KIF26B: variants seen among roughly 807,000 people sequenced by gnomAD.
The protein encoded by KIF26B is kinesin-like protein KIF26B.
A neutral mutation model predicts 151.2 loss-of-function variants in KIF26B; 63 were observed. The observed-to-expected ratio is 0.42, with a 90% CI of 0.34 to 0.51. The LOEUF (loss-of-function observed/expected upper bound fraction) is 0.51. Ranked by LOEUF, KIF26B falls within the 20% of genes least tolerant of loss-of-function variation. The pLI, the probability that KIF26B is intolerant of heterozygous loss-of-function variation, is 0.07. For missense variants in KIF26B, 2,813 were observed against 2,913.6 expected (o/e 0.97, Z 0.79); for synonymous variants, 1,357 against 1,262.1 (o/e 1.08, Z -1.59).
At chr1:245,302,018 G>A (rs1015945106) in intron 2 of KIF26B, among the ~76,000 whole-genome samples, 3 of 152,172 alleles carry the variant, frequency 2.0e-5, no homozygotes, top group Admixed American at 6.5e-5. Flanking sequence ...TTTTCTGTCA[G>A]TGTTGGAATA....
chr1:245,322,594 A>G (rs1042186018), intron 2 of KIF26B, among the ~76,000 whole-genome samples: 2 of 152,166 alleles, frequency 1.3e-5, no homozygotes, highest in Admixed American at 6.5e-5. Context: ...CAGAAGAACA[A>G]ATGATGCATC....
At position 245,705,426 on chromosome 1, in the gene KIF26B, G is replaced by A. The variant is rs771366734; in HGVS notation, c.*2820G>A. 3 of 152,016 alleles carry A rather than the reference G, an allele frequency of 2.0e-5. No individual in the cohort carries two copies. The highest frequency in any genetic ancestry group is 1.5e-5 in the Non-Finnish European group (1 of 68,020). The allele number at this position is 152,016 out of a possible 1,614,324, so 9.4% of individuals were successfully genotyped here. ...TATTGATGATGAAGGAAGGAGTTCC[G>A]GCTGACCATTCTGAAGCAGTCCCAG... On this transcript the variant is annotated 3_prime_UTR_variant, in exon 15 of 15. Transcript: ENST00000407071.
intron 4 of KIF26B, among the ~76,000 whole-genome samples, chr1:245,486,455 C>A (rs1660282945): frequency 6.6e-6 from 1 of 151,988 alleles, no homozygotes. Context: ...CTATAGAGAG[C>A]TTTTAAATAT....
At chr1:245,588,451 G>A (rs949321676) in intron 5 of KIF26B, among the ~76,000 whole-genome samples, 7 of 152,076 alleles carry the variant, frequency 4.6e-5, no homozygotes, top group African/African-American at 1.4e-4. Context: ...GGGAGGTGGC[G>A]GAGCGTCTCA....
At chr1:245,331,513 G>A (rs1359166843) in intron 2 of KIF26B, among the ~76,000 whole-genome samples, 3 of 152,154 alleles carry the variant, frequency 2.0e-5, no homozygotes, top group Non-Finnish European at 4.4e-5. Flanking sequence ...CTGAAGTAAG[G>A]TGCTACCTGT....
At chr1:245,353,705 G>C in intron 2 of KIF26B, 1 of 152,412 alleles carries the variant, frequency 6.6e-6, no homozygotes, top group Non-Finnish European at 1.5e-5. Context: ...TGCTCCTCCC[G>C]CCCTCCCCAC....
intron 3 of KIF26B, among the ~76,000 whole-genome samples, chr1:245,387,354 G>A (rs1021342334): frequency 7.0e-6 from 1 of 142,016 alleles, no homozygotes; most frequent in Non-Finnish European, 1.5e-5. Flanking sequence ...TATTAGAGAT[G>A]CGGTTTTACC....
intron 4 of KIF26B, among the ~76,000 whole-genome samples, chr1:245,526,816 G>A (rs1029450204): frequency 2.2e-4 from 34 of 152,206 alleles, no homozygotes; most frequent in African/African-American, 7.7e-4. Context: ...GTGATTTCAT[G>A]TCCGTTTTTA....
chr1:245,305,691 C>T (rs1250271761), intron 2 of KIF26B, among the ~76,000 whole-genome samples: 2 of 152,142 alleles, frequency 1.3e-5, no homozygotes, highest in African/African-American at 4.8e-5. Flanking sequence ...GTAATCCCAG[C>T]ACTTTGGGAG....
chr1:245,525,842 T>A (rs777888080), intron 4 of KIF26B, among the ~76,000 whole-genome samples: 4 of 152,222 alleles, frequency 2.6e-5, no homozygotes, highest in Non-Finnish European at 4.4e-5. Context: ...GAATTAGTTA[T>A]AATTAACAAT....
At chr1:245,291,737 C>A (rs1288205768) in intron 2 of KIF26B, among the ~76,000 whole-genome samples, 1 of 152,154 alleles carries the variant, frequency 6.6e-6, no homozygotes, top group Non-Finnish European at 1.5e-5. Flanking sequence ...TTGTTGAGGA[C>A]CTGGCATTTA....
rs2044501245 is a variant in KIF26B at position 245,685,586 on chromosome 1, T to A, written c.2603T>A (p.Ile868Asn). ...CAGTCCTGCGACACCGTCATCTACA[T>A]CGGGCCCAACGGCACGGCCCTCTCT... is the stretch of plus-strand genomic sequence containing the variant. Reference protein sequence around the residue: ...SEQSCDTVIYIGPNGTALSDK... With the variant: ...SEQSCDTVIYNGPNGTALSDK... Residue 868 changes from isoleucine (I) to asparagine (N), a missense_variant, in exon 12 of 15, where the codon ATC (isoleucine) becomes AAC (asparagine). Transcript: ENST00000407071. 6.2e-7 allele frequency: 1 copy of A among 1,613,358 alleles called. No individual in the cohort carries two copies. The highest frequency in any genetic ancestry group is 1.3e-5 in the African/African-American group (1 of 74,776).
chr1:245,404,955 G>C (rs377398190), intron 3 of KIF26B, among the ~76,000 whole-genome samples: 2 of 152,172 alleles, frequency 1.3e-5, no homozygotes, highest in African/African-American at 4.8e-5. Context: ...TTGGAGAATA[G>C]TCAAAACATT....
rs1212157430 is a variant in KIF26B at position 245,243,471 on chromosome 1, C to CACACACAT, written c.465+86789_465+86790insCACACATA. On this transcript the variant is annotated intron_variant, in intron 2 of 14. Transcript: ENST00000407071. The stretch of plus-strand genomic sequence containing the variant: ...ATACACACACACACACACACACACA[C>CACACACAT]ATATATATATACACACATACATAAA... 1.5e-4 allele frequency among the ~76,000 whole-genome samples: 23 copies of CACACACAT among 150,264 alleles called. No homozygotes were observed. The South Asian group carries it at 4.7e-3, about 31-fold the overall frequency.
intron 2 of KIF26B, among the ~76,000 whole-genome samples, chr1:245,192,092 T>A (rs1669119626): frequency 6.6e-6 from 1 of 152,114 alleles, no homozygotes; most frequent in South Asian, 2.1e-4. Flanking sequence ...ACAAAAGTAT[T>A]TCCTGAAGCA....
intron 4 of KIF26B, among the ~76,000 whole-genome samples, chr1:245,491,323 C>T (rs2363902): frequency 0.33 from 50,109 of 151,990 alleles, 9,839 homozygotes; most frequent in Middle Eastern, 0.47. Flanking sequence ...ATCAATATTT[C>T]AGAATTCCAT....
intron 2 of KIF26B, among the ~76,000 whole-genome samples, chr1:245,301,033 G>T (rs1214335018): frequency 7.1e-6 from 1 of 141,138 alleles, no homozygotes; most frequent in Non-Finnish European, 1.5e-5. Context: ...GTTTCGCCAT[G>T]TTGACCAGGC....
intron 3 of KIF26B, among the ~76,000 whole-genome samples, chr1:245,385,583 G>A (rs985357031): frequency 9.2e-5 from 14 of 152,338 alleles, no homozygotes; most frequent in Admixed American, 3.9e-4. Context: ...GGAAAGAGGA[G>A]CAAACCTGGG....
At chr1:245,521,922 T>C (rs1355631210) in intron 4 of KIF26B, among the ~76,000 whole-genome samples, 22 of 132,870 alleles carry the variant, frequency 1.7e-4, no homozygotes, top group South Asian at 4.6e-4. Context: ...CTGGATGGAG[T>C]GCAGTGGTGC....
Sources: gnomAD v4.1 joint callset for allele counts (sites outside exome capture counted in the v4.1 genomes callset) on GRCh38, gnomAD v4.1.1 for gene constraint, MANE v1.5 for transcripts, NCBI Gene and HGNC (gene_info 2026-07-23, HGNC 2026-07-21) for gene names.